The following TFEC variants were observed in gnomAD, a reference collection of about 807,000 sequenced individuals.
The protein encoded by TFEC is class E basic helix-loop-helix protein 34.
In TFEC, 31 loss-of-function variants were observed where a neutral mutation model predicts 41.6. That is an observed-to-expected ratio of 0.74 (90% CI 0.56 to 1.01). The LOEUF (loss-of-function observed/expected upper bound fraction) is 1.01. Ranked by LOEUF, TFEC falls within the 50% of genes least tolerant of loss-of-function variation. TFEC has a pLI of 0.00. For missense variants in TFEC, 402 were observed against 404.1 expected, an observed-to-expected ratio of 0.99 and a Z score of 0.04; for synonymous variants, 143 against 140.6, an observed-to-expected ratio of 1.02 and a Z score of -0.12.
intron 1 of TFEC, among the ~76,000 whole-genome samples, chr7:116,152,550 G>A (rs547678678): frequency 2.0e-5 from 3 of 152,304 alleles, no homozygotes; most frequent in South Asian, 4.1e-4. Context: ...GAAAGGAGCA[G>A]AAGGAACAAT....
At chr7:116,110,431 CAAT>C (rs1334937946) in intron 3 of TFEC, among the ~76,000 whole-genome samples, 1 of 151,996 alleles carries the variant, frequency 6.6e-6, no homozygotes, top group Non-Finnish European at 1.5e-5. Context: ...TGTATCATGA[CAAT>C]GATGTAGATG....
intron 2 of TFEC, among the ~76,000 whole-genome samples, chr7:115,984,006 A>C (rs1326080727): frequency 6.6e-6 from 1 of 152,160 alleles, no homozygotes; most frequent in Non-Finnish European, 1.5e-5. Context: ...TTCTAAACAC[A>C]TACCACTATT....
At chr7:115,960,610 A>T (rs1469426432) in intron 3 of TFEC, among the ~76,000 whole-genome samples, 2 of 151,616 alleles carry the variant, frequency 1.3e-5, no homozygotes, top group African/African-American at 2.4e-5. Flanking sequence ...GAAAGTGGTA[A>T]GAATGTATTA....
chr7:115,997,860 G>T (rs1794429483), intron 1 of TFEC, among the ~76,000 whole-genome samples: 1 of 152,010 alleles, frequency 6.6e-6, no homozygotes, highest in Non-Finnish European at 1.5e-5. Context: ...GCAGAAGAAA[G>T]AATTATTGAA....
rs946224255 is a variant in TFEC, at chr7:116,109,933, G to A, written c.198+775C>T. ...CATAGTATGTCCTTTGTAGGGACAT[G>A]GATGAAGCTGGAAACCATCATTCTC... On this transcript the variant is annotated intron_variant, in intron 3 of 8. Coordinates refer to the TFEC transcript ENST00000484212. Among the ~76,000 whole-genome samples, 8 of 152,126 alleles carry A rather than the reference G, an allele frequency of 5.3e-5. No individual in the cohort carries two copies. The East Asian group carries it at 1.5e-3, about 29-fold the overall frequency.
Position 115,950,864 on chromosome 7 carries a change from T to C in TFEC, c.515+10A>G. 6.3e-7 allele frequency: 1 copy of C among 1,588,844 alleles called. No individual in the cohort carries two copies. The highest frequency in any genetic ancestry group is 8.6e-7 in the Non-Finnish European group (1 of 1,164,464). ...TATAACATTATTATAGAAATGATTG[T>C]TGAACTCACGGATCATTAGACTTTG... On this transcript the variant is annotated intron_variant, in intron 6 of 7. Transcript: ENST00000265440.
intron 3 of TFEC, among the ~76,000 whole-genome samples, chr7:116,048,439 T>TA (rs1315783068): frequency 6.6e-6 from 1 of 151,314 alleles, no homozygotes; most frequent in African/African-American, 2.4e-5. Flanking sequence ...GAAAAAAGAG[T>TA]AAAAAGAAAT....
intron 1 of TFEC, among the ~76,000 whole-genome samples, chr7:116,119,528 A>C (rs1262689206): frequency 6.6e-6 from 1 of 151,896 alleles, no homozygotes; most frequent in Non-Finnish European, 1.5e-5. Flanking sequence ...TTTTGAATAT[A>C]TGTTAAAAAA....
chr7:115,947,534 C>T (rs1243541045), intron 6 of TFEC, among the ~76,000 whole-genome samples: 1 of 151,698 alleles, frequency 6.6e-6, no homozygotes, highest in African/African-American at 2.4e-5. Flanking sequence ...ACAGTCCCAC[C>T]AACAGGGTAA....
chr7:116,090,254 C>T (rs529113003), intron 3 of TFEC, among the ~76,000 whole-genome samples: 7 of 152,160 alleles, frequency 4.6e-5, no homozygotes, highest in African/African-American at 1.7e-4. Flanking sequence ...TTTCTGCAAC[C>T]AATTAGACTG....
intron 3 of TFEC, among the ~76,000 whole-genome samples, chr7:116,045,831 C>A (rs914898957): frequency 6.6e-5 from 10 of 152,232 alleles, no homozygotes; most frequent in African/African-American, 2.4e-4. Context: ...CTGGACCCTG[C>A]AAAGCCACAG....
At chr7:116,137,351 C>T (rs575985383) in intron 1 of TFEC, among the ~76,000 whole-genome samples, 1 of 152,110 alleles carries the variant, frequency 6.6e-6, no homozygotes, top group Admixed American at 6.6e-5. Context: ...ACTTCTAAAT[C>T]CTCAAGGGAA....
At chr7:115,982,327 C>T (rs1482378492) in intron 2 of TFEC, among the ~76,000 whole-genome samples, 1 of 152,156 alleles carries the variant, frequency 6.6e-6, no homozygotes, top group Admixed American at 6.5e-5. Flanking sequence ...TGTGTACACA[C>T]ATGGGTGAGA....
At chr7:115,947,565 A>T (rs1791663777) in intron 6 of TFEC, among the ~76,000 whole-genome samples, 1 of 151,496 alleles carries the variant, frequency 6.6e-6, no homozygotes, top group Admixed American at 6.6e-5. Flanking sequence ...ATTTCTCCAC[A>T]TCCTCTCCAG....
At chr7:116,157,270 A>G (rs1170283099) in intron 1 of TFEC, 1 of 151,486 alleles carries the variant, frequency 6.6e-6, no homozygotes, top group Non-Finnish European at 1.5e-5. Context: ...TTTTTTCTCT[A>G]TTCTCTTTTC....
Position 115,940,674 on chromosome 7 carries a change from C to T in TFEC, c.921G>A (p.Met307Ile). 1.2e-6 allele frequency: 2 copies of T among 1,613,630 alleles called. No homozygotes were observed. The highest frequency in any genetic ancestry group is 1.7e-6 in the Non-Finnish European group (2 of 1,179,650). The change falls in exon 8 of 8, where the codon ATG (methionine) becomes ATA (isoleucine). Residue 307 changes from methionine to isoleucine, a missense_variant. Physicochemically the swap from Met to Ile is conservative, Grantham distance 10. Transcript: ENST00000265440. ...ALKEEQRLDG[M>I]LLDDTISPFG... The stretch of plus-strand genomic sequence containing the variant: ...ATGGAGAGATTGTGTCATCCAATAG[C>T]ATGCCATCCAATCTTTGTTCCTCTT...
At chr7:115,962,337 T>C (rs902614981) in intron 3 of TFEC, among the ~76,000 whole-genome samples, 1 of 151,742 alleles carries the variant, frequency 6.6e-6, no homozygotes, top group African/African-American at 2.4e-5. Flanking sequence ...AATAGAAAAA[T>C]GCATTTTAAA....
In TFEC at chr7:115,988,848, A is replaced by C. The variant is rs183212395; in HGVS notation, c.-72-4335T>G. On this transcript the variant is annotated intron_variant, in intron 1 of 7. Transcript: ENST00000265440. ...CAAAGATAAAGAAAAAAACTCTGGA[A>C]AAAAAATCTAGAAGAAAAAGCACCC... 1.6e-3 allele frequency among the ~76,000 whole-genome samples: 239 copies of C among 152,148 alleles called. 2 individuals carry two copies. Among genetic ancestry groups the C allele is most frequent in the Non-Finnish European group, 6.0e-4 (41 of 67,996 alleles).
At chr7:116,014,737 G>A (rs1026382246) in intron 1 of TFEC, among the ~76,000 whole-genome samples, 3 of 151,990 alleles carry the variant, frequency 2.0e-5, no homozygotes, top group Non-Finnish European at 2.9e-5. Flanking sequence ...AGATTATCCT[G>A]GATTATCGTG....
Sources: gnomAD v4.1 joint callset for allele counts (sites outside exome capture counted in the v4.1 genomes callset) on GRCh38, gnomAD v4.1.1 for gene constraint, MANE v1.5 for transcripts, NCBI Gene and HGNC (gene_info 2026-07-23, HGNC 2026-07-21) for gene names.